The following USP37 variants were observed in gnomAD, a reference collection of about 807,000 sequenced individuals.
USP37 encodes the protein ubiquitin specific peptidase 37, also known as ubiquitin carboxyl-terminal hydrolase 37.
Under a neutral mutation model 124.0 loss-of-function variants are expected in USP37, and 27 were observed. That is an observed-to-expected ratio of 0.22 (90% CI 0.16 to 0.30). The LOEUF is 0.30. USP37 is among the 10% of genes least tolerant of loss of function. The probability of loss-of-function intolerance (pLI) is 1.00; values close to 1 mark genes in which losing one functional copy is unlikely to be tolerated. For synonymous variants in USP37, 365 were observed against 388.0 expected, an observed-to-expected ratio of 0.94 and a Z score of 0.70; for missense variants, 889 against 1,140.4, an observed-to-expected ratio of 0.78 and a Z score of 3.17.
chr2:218,548,948 G>T (rs990215382), intron 6 of USP37, among the ~76,000 whole-genome samples: 1 of 152,092 alleles, frequency 6.6e-6, no homozygotes, highest in Non-Finnish European at 1.5e-5. Context: ...TAATTATGCT[G>T]AGGGAAGCCA....
Position 218,463,396 on chromosome 2 carries a change from T to C in USP37, c.2467-30A>G. 3 of 1,599,428 alleles carry C rather than the reference T, an allele frequency of 1.9e-6. 1 individual carries two copies. The highest frequency in any genetic ancestry group is 2.2e-5 in the South Asian group (2 of 90,758). On this transcript the variant is annotated intron_variant, in intron 21 of 25. Transcript: ENST00000258399. ...AGGGAAAAGAACAAAAACTAAGGTA[T>C]TTAAAGAGGTACTGATTAAACTTAC... is the stretch of plus-strand genomic sequence containing the variant.
intron 10 of USP37, among the ~76,000 whole-genome samples, chr2:218,517,188 C>A (rs1185390098): frequency 6.6e-6 from 1 of 152,192 alleles, no homozygotes; most frequent in Non-Finnish European, 1.5e-5. Flanking sequence ...AAACTAGGAA[C>A]AATTTAACTC....
chr2:218,462,903 T>C (rs918044027), intron 22 of USP37, among the ~76,000 whole-genome samples: 3 of 152,032 alleles, frequency 2.0e-5, no homozygotes, highest in African/African-American at 7.2e-5. Flanking sequence ...AAACACATTT[T>C]AGCTTGTAAT....
At chr2:218,534,501 TAAATAAATAA>T (rs1238991895) in intron 9 of USP37, 98 bp downstream of exon 9, 1 of 515,284 alleles carries the variant, frequency 1.9e-6, no homozygotes, top group African/African-American at 2.0e-5. Flanking sequence ...AAAATATATA[TAAATAAATAA>T]AAATAAAAAG....
chr2:218,561,520 T>G (rs1435594834), intron 2 of USP37, among the ~76,000 whole-genome samples: 1 of 152,016 alleles, frequency 6.6e-6, no homozygotes, highest in East Asian at 1.9e-4. Context: ...TAGCCAGGTG[T>G]GGTGGCGTGC....
At chr2:218,456,954 A>T (rs1433208411) in intron 24 of USP37, 138 bp downstream of exon 24, 4 of 824,798 alleles carry the variant, frequency 4.8e-6, no homozygotes, top group Non-Finnish European at 7.3e-6. Context: ...TGGGCAACAG[A>T]GTGAGACTGG....
At chr2:218,477,532 G>C (rs1259848427) in intron 18 of USP37, among the ~76,000 whole-genome samples, 1 of 152,124 alleles carries the variant, frequency 6.6e-6, no homozygotes, top group Non-Finnish European at 1.5e-5. Flanking sequence ...TTCTTTCCCA[G>C]GAAATGGTGA....
intron 12 of USP37, 30 bp from the exon 13 acceptor site, chr2:218,497,887 C>G (rs200881051): frequency 7.5e-6 from 12 of 1,606,306 alleles, no homozygotes; most frequent in Non-Finnish European, 1.0e-5. Flanking sequence ...AAAGTTAGCA[C>G]GTTTTACATG....
In USP37 at chr2:218,452,586, T is replaced by A. The variant is rs1321573973; in HGVS notation, c.*2344A>T. The A allele has an allele frequency of 1.3e-5, 2 of 152,126 alleles. No individual in the cohort carries two copies. Among genetic ancestry groups the A allele is most frequent in the Non-Finnish European group, 2.9e-5 (2 of 68,034 alleles). The allele number at this position is 152,126 out of a possible 1,614,324, so 9.4% of individuals were successfully genotyped here. On this transcript the variant is annotated 3_prime_UTR_variant, in exon 26 of 26. Transcript: ENST00000258399. ...GCAAGTACATGAGCAGTGAGATAAC[T>A]TATATATTCCAATAACCTATTTTCA...
chr2:218,555,779 A>G (rs2106054951), intron 4 of USP37, among the ~76,000 whole-genome samples: 1 of 152,042 alleles, frequency 6.6e-6, no homozygotes, highest in East Asian at 1.9e-4. Context: ...CACCTCAGAT[A>G]ACTCATCTCT....
rs1175405704 is a variant in USP37, at chr2:218,485,837, G to A, written c.1591-94C>T. 3 of 1,356,260 alleles carry A rather than the reference G, an allele frequency of 2.2e-6. No individual in the cohort carries two copies. In the Admixed American group the frequency reaches 6.7e-5, roughly 30 times the overall value. 84.0% of individuals were successfully genotyped at this position (1,356,260 alleles called of 1,614,324 possible). On this transcript the variant is annotated intron_variant, in intron 15 of 25. Coordinates refer to ENST00000258399, the MANE Select transcript of USP37 (RefSeq NM_020935.3). Reference sequence around the variant, plus strand: ...CTCTAGTCTTATTAGTTCCATTAGTGGAATGACAACTCTGAACCAGTTTTA... The same window carrying A: ...CTCTAGTCTTATTAGTTCCATTAGTAGAATGACAACTCTGAACCAGTTTTA...
intron 23 of USP37, among the ~76,000 whole-genome samples, chr2:218,458,274 A>AC (rs1480945857): frequency 3.3e-5 from 5 of 149,826 alleles, no homozygotes; most frequent in South Asian, 2.1e-4. Flanking sequence ...AAAAAAAAAA[A>AC]AACAACTCTA....
chr2:218,511,758 T>A (rs555875671), intron 10 of USP37, among the ~76,000 whole-genome samples: 69 of 151,478 alleles, frequency 4.6e-4, no homozygotes, highest in Admixed American at 3.6e-3. Context: ...ACATTCTAAT[T>A]TTAAAATTTT....
intron 9 of USP37, among the ~76,000 whole-genome samples, chr2:218,533,421 T>A (rs1299814277): frequency 6.6e-6 from 1 of 152,202 alleles, no homozygotes; most frequent in African/African-American, 2.4e-5. Context: ...TCTGTAACTT[T>A]AACACATTTA....
At position 218,451,546 on chromosome 2, in the gene USP37, A is replaced by AAG. The variant is rs1689478846; in HGVS notation, c.*3383_*3384insCT. The AAG allele has an allele frequency of 7.0e-6, 1 of 143,280 alleles. No homozygotes were observed. The highest frequency in any genetic ancestry group is 2.6e-5 in the African/African-American group (1 of 38,254). 8.9% of individuals were successfully genotyped at this position (143,280 alleles called of 1,614,324 possible). A position where few individuals can be genotyped will look rare whatever the true frequency, so the allele number is the denominator to read the frequency against. On this transcript the variant is annotated 3_prime_UTR_variant, in exon 26 of 26. Coordinates refer to ENST00000258399, the MANE Select transcript of USP37 (RefSeq NM_020935.3). Reference sequence around the variant, plus strand: ...TACAAACTACTTTTTTTTCTCTTTAATTTAGGTGTTTGCAGATAATTTTCA... The same window carrying AAG: ...TACAAACTACTTTTTTTTCTCTTTAAAGTTTAGGTGTTTGCAGATAATTTTCA...
rs914925576 is a variant in USP37, at chr2:218,450,603, A to G, written c.*4327T>C. ...GGGAGGGAAAGAAAAGCTCAAAGGG[A>G]GGGAAACCTGGGGACAAGAGGTGTG... On this transcript the variant is annotated 3_prime_UTR_variant, in exon 26 of 26. Transcript: ENST00000258399. The G allele has an allele frequency of 1.3e-5, 2 of 152,630 alleles. No individual in the cohort carries two copies. The highest frequency in any genetic ancestry group is 4.8e-5 in the African/African-American group (2 of 41,456). 9.5% of individuals were successfully genotyped at this position (152,630 alleles called of 1,614,324 possible).
chr2:218,476,683 G>A (rs562562673), intron 19 of USP37, among the ~76,000 whole-genome samples, 157 bp downstream of exon 19: 10 of 152,354 alleles, frequency 6.6e-5, no homozygotes, highest in South Asian at 6.2e-4. Flanking sequence ...CGAATTTCTC[G>A]TAAGTCTTGA....
intron 10 of USP37, among the ~76,000 whole-genome samples, chr2:218,519,506 T>C (rs1413474437): frequency 3.3e-5 from 5 of 152,102 alleles, no homozygotes; most frequent in African/African-American, 1.2e-4. Context: ...GACTCATGAG[T>C]GTGTCAAAAG....
At chr2:218,485,157 A>G (rs1559177074) in intron 16 of USP37, among the ~76,000 whole-genome samples, 2 of 152,208 alleles carry the variant, frequency 1.3e-5, no homozygotes, top group East Asian at 1.9e-4. Context: ...GCAACAAAAT[A>G]TAACTGAATA....
Sources: gnomAD v4.1 joint callset for allele counts (sites outside exome capture counted in the v4.1 genomes callset) on GRCh38, gnomAD v4.1.1 for gene constraint, MANE v1.5 for transcripts, NCBI Gene and HGNC (gene_info 2026-07-23, HGNC 2026-07-21) for gene names.